IFIT1B: variants seen among roughly 807,000 people sequenced by gnomAD.
IFIT1B encodes protein IFIT1 homolog B.
A neutral mutation model predicts 2.5 loss-of-function variants in IFIT1B; 3 were observed. That is an observed-to-expected ratio of 1.21 (90% CI 0.55 to 3.14). The LOEUF is 3.14. IFIT1B is among the 30% of genes most tolerant of loss of function. The pLI is 0.03. For missense variants in IFIT1B, 545 were observed against 556.5 expected (o/e 0.98, Z 0.21); for synonymous variants, 196 against 203.0 (o/e 0.97, Z 0.29).
rs529801736 is a variant in IFIT1B at position 89,384,397 on chromosome 10, C to T, written c.1084C>T (p.His362Tyr). The change falls in exon 2 of 2, where the codon CAT (histidine) becomes TAT (tyrosine). Residue 362 changes from histidine (H) to tyrosine (Y), a missense_variant. Physicochemically the swap from His to Tyr is moderately conservative, Grantham distance 83. Coordinates refer to ENST00000371809, the MANE Select transcript of IFIT1B (RefSeq NM_001010987.2). ...AGGCCACCACAGAAAGGCTGAGGAA[C>T]ATTTTCAGAAAGGGTTACGCATGAA... is the stretch of plus-strand genomic sequence containing the variant. ...EIGHHRKAEE[H>Y]FQKGLRMKIF... 6.2e-7 allele frequency: 1 copy of T among 1,614,166 alleles called. No homozygotes were observed. Among genetic ancestry groups the T allele is most frequent in the East Asian group, 2.2e-5 (1 of 44,896 alleles).
chr10:89,381,731 T>C (rs1331129261), intron 1 of IFIT1B, among the ~76,000 whole-genome samples: 1 of 152,164 alleles, frequency 6.6e-6, no homozygotes, highest in African/African-American at 2.4e-5. Context: ...TGTGGTGCTA[T>C]TCATTATCTT....
chr10:89,378,292 A>C (rs1013935014), intron 1 of IFIT1B, 152 bp downstream of exon 1: 2 of 729,856 alleles, frequency 2.7e-6, no homozygotes, highest in Non-Finnish European at 4.8e-6. Flanking sequence ...CATGATAACC[A>C]AGAAGAGTTT....
chr10:89,384,379 C>A lies in IFIT1B; in HGVS notation c.1066C>A (p.His356Asn), dbSNP rs1476453669. 1.2e-6 allele frequency: 2 copies of A among 1,614,116 alleles called. No homozygotes were observed. Among genetic ancestry groups the A allele is most frequent in the East Asian group, 4.5e-5 (2 of 44,890 alleles). Residue 356 changes from histidine to asparagine, a missense_variant, in exon 2 of 2, where the codon CAC becomes AAC. His to Asn is a moderately conservative substitution (Grantham distance 68). Transcript: ENST00000371809. Reference protein sequence around the residue: ...LAETYAEIGHHRKAEEHFQKG... With the variant: ...LAETYAEIGHNRKAEEHFQKG... ...TGAAACGTATGCAGAAATAGGCCAC[C>A]ACAGAAAGGCTGAGGAACATTTTCA...
intron 1 of IFIT1B, among the ~76,000 whole-genome samples, chr10:89,379,907 C>T (rs112990587): frequency 0.04 from 6,132 of 151,922 alleles, 426 homozygotes; most frequent in African/African-American, 0.14. Flanking sequence ...TGGTGGCGGG[C>T]GCCTGTAGTC....
Position 89,384,531 on chromosome 10 carries a change from G to C in IFIT1B, c.1218G>C (p.Leu406Phe). The part of the protein sequence containing the change: ...DKAITHYLKG[L>F]KIEKMSHSRE... ...CAATTACCCATTATTTAAAAGGTTT[G>C]AAAATAGAAAAAATGTCCCATTCCA... is the stretch of plus-strand genomic sequence containing the variant. Residue 406 changes from leucine (L) to phenylalanine (F), a missense_variant, in exon 2 of 2, where the codon TTG becomes TTC. Physicochemically the swap from Leu to Phe is conservative, Grantham distance 22. Coordinates refer to ENST00000371809, the MANE Select transcript of IFIT1B (RefSeq NM_001010987.2). The C allele has an allele frequency of 6.2e-7, 1 of 1,613,996 alleles. No homozygotes were observed. The highest frequency in any genetic ancestry group is 1.1e-5 in the South Asian group (1 of 91,074).
In IFIT1B at chr10:89,383,737, G is replaced by C; in HGVS notation, c.424G>C (p.Asp142His). ...CTATAGAATGGAGTGTCCAGAGGTGGACTGTGAGGAAGGATGGGCCTTGGC... is the reference window on the plus strand; with the variant it reads ...CTATAGAATGGAGTGTCCAGAGGTGCACTGTGAGGAAGGATGGGCCTTGGC... ...SRYRMECPEV[D>H]CEEGWALAKC... Residue 142 changes from aspartate (D) to histidine (H), a missense_variant, in exon 2 of 2, where the codon GAC (aspartate) becomes CAC (histidine). By Grantham distance (81) the Asp-to-His change is moderately conservative. Transcript: ENST00000371809. 1 of 1,614,202 alleles carries C rather than the reference G, an allele frequency of 6.2e-7. No individual in the cohort carries two copies. The highest frequency in any genetic ancestry group is 8.5e-7 in the Non-Finnish European group (1 of 1,180,030).
Position 89,384,363 on chromosome 10 carries a change from T to C in IFIT1B, c.1050T>C (p.Tyr350=), listed in dbSNP as rs754742721. ...CCTATGTTGACCTGGCTGAAACGTA[T>C]GCAGAAATAGGCCACCACAGAAAGG... ...EMAYVDLAET[Y]AEIGHHRKAE... Residue 350 remains tyrosine (Y), a synonymous_variant, in exon 2 of 2, where the codon TAT becomes TAC. Transcript: ENST00000371809. The C allele has an allele frequency of 1.2e-6, 2 of 1,614,166 alleles. No homozygotes were observed. The highest frequency in any genetic ancestry group is 1.7e-6 in the Non-Finnish European group (2 of 1,180,020).
chr10:89,381,734 A>C (rs1355027181), intron 1 of IFIT1B, among the ~76,000 whole-genome samples: 1 of 151,988 alleles, frequency 6.6e-6, no homozygotes, highest in Non-Finnish European at 1.5e-5. Context: ...GGTGCTATTC[A>C]TTATCTTGTG....
chr10:89,384,551 A>G lies in IFIT1B; in HGVS notation c.1238A>G (p.His413Arg). Residue 413 changes from histidine (H) to arginine (R), a missense_variant, in exon 2 of 2, where the codon CAT becomes CGT. His to Arg is a conservative substitution (Grantham distance 29). Transcript: ENST00000371809. Reference protein sequence around the residue: ...LKGLKIEKMSHSREKLLNALE... With the variant: ...LKGLKIEKMSRSREKLLNALE... ...GGTTTGAAAATAGAAAAAATGTCCC[A>G]TTCCAGGGAAAAACTTCTCAATGCT... 2 of 1,614,220 alleles carry G rather than the reference A, an allele frequency of 1.2e-6. No individual in the cohort carries two copies. Among genetic ancestry groups the G allele is most frequent in the Non-Finnish European group, 1.7e-6 (2 of 1,180,006 alleles).
Position 89,378,201 on chromosome 10 carries a change from C to A in IFIT1B, c.5+61C>A. 1.9e-6 allele frequency: 3 copies of A among 1,581,424 alleles called. No individual in the cohort carries two copies. The South Asian group carries it at 3.3e-5, about 18-fold the overall frequency. The stretch of plus-strand genomic sequence containing the variant: ...GCACACTTTGAAATTCTAAAACTTT[C>A]CTTAAGGGCCAATTTTTTGACAGGC... On this transcript the variant is annotated intron_variant, in intron 1 of 1. Coordinates refer to ENST00000371809, the MANE Select transcript of IFIT1B (RefSeq NM_001010987.2).
In IFIT1B at chr10:89,384,116, A is replaced by G. The variant is rs1844185226; in HGVS notation, c.803A>G (p.Asp268Gly). 6.2e-7 allele frequency: 1 copy of G among 1,614,098 alleles called. No homozygotes were observed. The highest frequency in any genetic ancestry group is 1.7e-5 in the Admixed American group (1 of 60,002). Residue 268 changes from aspartate (D) to glycine (G), a missense_variant, in exon 2 of 2, where the codon GAT becomes GGT. By Grantham distance (94) the Asp-to-Gly change is moderately conservative. Transcript: ENST00000371809. ...AKFYRRKGSV[D>G]KALELLKMAL... is the part of the protein sequence containing the mutation. Reference sequence around the variant, plus strand: ...TTTTATCGAAGAAAAGGGTCTGTGGATAAAGCTCTTGAGCTCTTAAAAATG... The same window carrying G: ...TTTTATCGAAGAAAAGGGTCTGTGGGTAAAGCTCTTGAGCTCTTAAAAATG...
chr10:89,379,186 G>C (rs1388104984), intron 1 of IFIT1B, among the ~76,000 whole-genome samples: 1 of 152,162 alleles, frequency 6.6e-6, no homozygotes, highest in South Asian at 2.1e-4. Context: ...CTATGAAATT[G>C]TGATTACTAT....
Position 89,383,466 on chromosome 10 carries a change from T to C in IFIT1B, c.153T>C (p.Asn51=). ...EEIQFLDTKY[N]VGIHNLLAYV... ...TTCAGTTCCTGGACACCAAATACAATGTGGGAATACACAACCTACTAGCCT... is the reference window on the plus strand; with the variant it reads ...TTCAGTTCCTGGACACCAAATACAACGTGGGAATACACAACCTACTAGCCT... Residue 51 remains asparagine (N), a synonymous_variant, in exon 2 of 2, where the codon AAT becomes AAC. Coordinates refer to ENST00000371809, the MANE Select transcript of IFIT1B (RefSeq NM_001010987.2). The C allele has an allele frequency of 6.2e-7, 1 of 1,614,154 alleles. No individual in the cohort carries two copies.
Position 89,384,758 on chromosome 10 carries a change from C to T in IFIT1B, c.*20C>T, listed in dbSNP as rs1273998791. Reference sequence around the variant, plus strand: ...TTTTAACATAGAGGTCACCATTATCCATTTAATGGTCTTATAACTAAATAG... The same window carrying T: ...TTTTAACATAGAGGTCACCATTATCTATTTAATGGTCTTATAACTAAATAG... On this transcript the variant is annotated 3_prime_UTR_variant, in exon 2 of 2. Transcript: ENST00000371809. The T allele has an allele frequency of 6.6e-6, 10 of 1,511,244 alleles. No individual in the cohort carries two copies. The highest frequency in any genetic ancestry group is 1.2e-5 in the South Asian group (1 of 83,960). The allele number at this position is 1,511,244 out of a possible 1,614,324, so 93.6% of individuals were successfully genotyped here. A position where few individuals can be genotyped will look rare whatever the true frequency, so the allele number is the denominator to read the frequency against.
Position 89,383,979 on chromosome 10 carries a change from C to T in IFIT1B, c.666C>T (p.Leu222=). Residue 222 remains leucine, a synonymous_variant, in exon 2 of 2, where the codon CTC becomes CTT. Transcript: ENST00000371809. The part of the protein sequence containing the change: ...LNPDDVYIRV[L]LALKLQDEGQ... Reference sequence around the variant, plus strand: ...CAGATGATGTATATATTAGGGTTCTCCTTGCCCTGAAGCTTCAGGATGAAG... The same window carrying T: ...CAGATGATGTATATATTAGGGTTCTTCTTGCCCTGAAGCTTCAGGATGAAG... The T allele has an allele frequency of 6.2e-7, 1 of 1,614,184 alleles. No individual in the cohort carries two copies. Among genetic ancestry groups the T allele is most frequent in the Non-Finnish European group, 8.5e-7 (1 of 1,180,038 alleles).
Position 89,384,726 on chromosome 10 carries a change from C to T in IFIT1B, c.1413C>T (p.Asn471=). The T allele has an allele frequency of 6.2e-6, 10 of 1,606,832 alleles. No individual in the cohort carries two copies. Among genetic ancestry groups the T allele is most frequent in the Non-Finnish European group, 8.5e-6 (10 of 1,176,810 alleles). ...ERALRLAADL[N]PIF is the part of the protein sequence containing the mutation. The stretch of plus-strand genomic sequence containing the variant: ...CTCTGAGGCTGGCTGCTGACCTGAA[C>T]CCTATATTTTAACATAGAGGTCACC... Residue 471 remains asparagine (N), a synonymous_variant, in exon 2 of 2, where the codon AAC becomes AAT. Coordinates refer to ENST00000371809, the MANE Select transcript of IFIT1B (RefSeq NM_001010987.2).
rs886189506 is a variant in IFIT1B at position 89,383,651 on chromosome 10, A to C, written c.338A>C (p.Glu113Ala). The C allele has an allele frequency of 1.2e-6, 2 of 1,614,136 alleles. No homozygotes were observed. Among genetic ancestry groups the C allele is most frequent in the East Asian group, 2.2e-5 (1 of 44,898 alleles). Residue 113 changes from glutamate to alanine, a missense_variant, in exon 2 of 2, where the codon GAA becomes GCA. Coordinates refer to ENST00000371809, the MANE Select transcript of IFIT1B (RefSeq NM_001010987.2). ...TATTACCACATGGGCAGATTGGCAGAAGCCCAGACTTACCTGGACAAGGTG... is the reference window on the plus strand; with the variant it reads ...TATTACCACATGGGCAGATTGGCAGCAGCCCAGACTTACCTGGACAAGGTG... ...WVYYHMGRLA[E>A]AQTYLDKVEN... is the part of the protein sequence containing the mutation.
chr10:89,383,598 G>C lies in IFIT1B; in HGVS notation c.285G>C (p.Leu95=), dbSNP rs756548372. The C allele has an allele frequency of 2.5e-6, 4 of 1,614,202 alleles. No individual in the cohort carries two copies. Among genetic ancestry groups the C allele is most frequent in the Non-Finnish European group, 3.4e-6 (4 of 1,180,034 alleles). The stretch of plus-strand genomic sequence containing the variant: ...CCAACCAAGCAGATATTAGAAGTCT[G>C]GTGACCTGGGGCAACTTTGCCTGGG... The part of the protein sequence containing the change: ...EHANQADIRS[L]VTWGNFAWVY... The change falls in exon 2 of 2, where the codon CTG becomes CTC. Residue 95 remains leucine (L), a synonymous_variant. Transcript: ENST00000371809.
At position 89,384,329 on chromosome 10, in the gene IFIT1B, T is replaced by A; in HGVS notation, c.1016T>A (p.Phe339Tyr). Residue 339 changes from phenylalanine (F) to tyrosine (Y), a missense_variant, in exon 2 of 2, where the codon TTT becomes TAT. Phe to Tyr is a conservative substitution (Grantham distance 22, BLOSUM62 3). Transcript: ENST00000371809. ...AAGACTATAATGTTAAAGCGAACAT[T>A]TGAGATGGCCTATGTTGACCTGGCT... Reference protein sequence around the residue: ...FEKTIMLKRTFEMAYVDLAET... With the variant: ...FEKTIMLKRTYEMAYVDLAET... 1 of 1,614,172 alleles carries A rather than the reference T, an allele frequency of 6.2e-7. No homozygotes were observed. The highest frequency in any genetic ancestry group is 8.5e-7 in the Non-Finnish European group (1 of 1,180,032).
Sources: allele counts gnomAD v4.1 joint callset (sites outside exome capture counted in the v4.1 genomes callset), GRCh38; gene constraint gnomAD v4.1.1; transcripts MANE v1.5; gene names NCBI Gene and HGNC (gene_info 2026-07-23, HGNC 2026-07-21).